GOSR1: variants seen among roughly 807,000 people sequenced by gnomAD.
GOSR1 encodes the protein golgi SNAP receptor complex member 1.
Under a neutral mutation model 35.5 loss-of-function variants are expected in GOSR1, and 21 were observed. The observed-to-expected ratio is 0.59, with a 90% CI of 0.42 to 0.85. The LOEUF (loss-of-function observed/expected upper bound fraction) is 0.85. Ranked by LOEUF, GOSR1 falls within the 40% of genes least tolerant of loss-of-function variation. The pLI, the probability that GOSR1 is intolerant of heterozygous loss-of-function variation, is 0.00. For synonymous variants in GOSR1, 94 were observed against 106.6 expected (o/e 0.88, Z 0.73); for missense variants, 285 against 309.6 (o/e 0.92, Z 0.60).
At chr17:30,499,632 T>C (rs376847898) in intron 6 of GOSR1, among the ~76,000 whole-genome samples, 14 of 152,322 alleles carry the variant, frequency 9.2e-5, no homozygotes, top group East Asian at 7.7e-4. Flanking sequence ...TGAGCCACTG[T>C]ACCCTGCCGT....
chr17:30,495,338 C>A, intron 6 of GOSR1: 1 of 433,884 alleles, frequency 2.3e-6, no homozygotes. Context: ...CTTGACCAGG[C>A]ATATGATGCT....
chr17:30,526,162 C>CAGTT lies in GOSR1; in HGVS notation c.*3790_*3793dup, dbSNP rs1009868453. On this transcript the variant is annotated 3_prime_UTR_variant, in exon 9 of 9. Coordinates refer to ENST00000451249, the MANE Select transcript of GOSR1 (RefSeq NM_001007025.2). ...ACCAGTTACCAGATTCAGAGGCTAA[C>CAGTT]AGTTAGTTACTTGTTAATGCTAGTC... is the stretch of plus-strand genomic sequence containing the variant. The CAGTT allele has an allele frequency of 2.6e-5, 4 of 152,214 alleles. No homozygotes were observed. The highest frequency in any genetic ancestry group is 9.7e-5 in the African/African-American group (4 of 41,446). 9.4% of individuals were successfully genotyped at this position (152,214 alleles called of 1,614,324 possible).
chr17:30,484,209 T>C lies in GOSR1; in HGVS notation c.147-5T>C. ...TGGATCCTCTTTAACTGAACTTCTT[T>C]TTAGTTCTGATACAACACCCCTTTT... On this transcript the variant is annotated splice_polypyrimidine_tract_variant and splice_region_variant and intron_variant, in intron 2 of 8. Transcript: ENST00000451249. 2 of 1,540,832 alleles carry C rather than the reference T, an allele frequency of 1.3e-6. No homozygotes were observed. Among genetic ancestry groups the C allele is most frequent in the Non-Finnish European group, 9.0e-7 (1 of 1,113,274 alleles).
chr17:30,481,026 TG>T (rs759511754), intron 1 of GOSR1, 116 bp from the exon 2 acceptor site: 9 of 687,680 alleles, frequency 1.3e-5, no homozygotes, highest in East Asian at 5.6e-5. Flanking sequence ...CTTTTCTTTA[TG>T]GGGGTAACAA....
intron 3 of GOSR1, 73 bp from the exon 4 acceptor site, chr17:30,484,590 C>T: frequency 3.9e-6 from 3 of 771,390 alleles, no homozygotes; most frequent in East Asian, 5.2e-5. Flanking sequence ...GGCATATAGG[C>T]AAATAATTTG....
Position 30,522,411 on chromosome 17 carries a change from G to T in GOSR1, c.*33G>T, listed in dbSNP as rs754846082. On this transcript the variant is annotated 3_prime_UTR_variant, in exon 9 of 9. Transcript: ENST00000451249. ...TCTTCAGGGACTCTTGACAGCCACC[G>T]CTTTCACACCCTGGTCTGGAATAAG... 1 of 1,518,752 alleles carries T rather than the reference G, an allele frequency of 6.6e-7. No homozygotes were observed. The highest frequency in any genetic ancestry group is 1.4e-5 in the African/African-American group (1 of 71,954). The allele number at this position is 1,518,752 out of a possible 1,614,324, so 94.1% of individuals were successfully genotyped here.
intron 8 of GOSR1, among the ~76,000 whole-genome samples, chr17:30,521,926 C>T (rs1163970912): frequency 2.0e-5 from 3 of 152,140 alleles, no homozygotes; most frequent in Non-Finnish European, 2.9e-5. Context: ...TTCCTGGCCA[C>T]GCTGGCTCCC....
At chr17:30,484,806 A>G in intron 4 of GOSR1, 36 bp downstream of exon 4, 1 of 1,113,898 alleles carries the variant, frequency 9.0e-7, no homozygotes, top group Non-Finnish European at 1.4e-6. Flanking sequence ...TCATTATCAC[A>G]GGAGTTTGGG....
chr17:30,485,993 C>G (rs1914656434), intron 4 of GOSR1, among the ~76,000 whole-genome samples: 1 of 144,800 alleles, frequency 6.9e-6, no homozygotes, highest in Admixed American at 7.0e-5. Context: ...GCACTCCAGC[C>G]TAGGCTACAA....
At position 30,527,230 on chromosome 17, in the gene GOSR1, C is replaced by CCT. The variant is rs1968197008; in HGVS notation, c.*4853_*4854dup. 6.6e-6 allele frequency: 1 copy of CCT among 152,076 alleles called. No homozygotes were observed. Among genetic ancestry groups the CCT allele is most frequent in the South Asian group, 2.1e-4 (1 of 4,828 alleles). The allele number at this position is 152,076 out of a possible 1,614,324, so 9.4% of individuals were successfully genotyped here. ...AATTAGCCATTCATGATGGTGTGCA[C>CCT]CTATAGTCCCAGCTACTCGGAAGGC... On this transcript the variant is annotated 3_prime_UTR_variant, in exon 9 of 9. Coordinates refer to ENST00000451249, the MANE Select transcript of GOSR1 (RefSeq NM_001007025.2).
At chr17:30,493,998 A>G (rs535887326) in intron 6 of GOSR1, among the ~76,000 whole-genome samples, 1 of 152,192 alleles carries the variant, frequency 6.6e-6, no homozygotes, top group Non-Finnish European at 1.5e-5. Flanking sequence ...AAGTTTTTCT[A>G]TAATATTGGC....
At chr17:30,485,167 T>G (rs940715818) in intron 4 of GOSR1, 37 of 258,514 alleles carry the variant, frequency 1.4e-4, no homozygotes, top group Admixed American at 1.9e-4. Context: ...TAGTATATTG[T>G]TTAAGAAAAC....
intron 6 of GOSR1, among the ~76,000 whole-genome samples, chr17:30,505,982 G>A (rs116798111): frequency 0.018 from 2,685 of 152,102 alleles, 81 homozygotes; most frequent in African/African-American, 0.062. Context: ...CTCCCACCTC[G>A]GCCTCCCAAA....
intron 6 of GOSR1, among the ~76,000 whole-genome samples, chr17:30,494,860 A>G (rs1283132094): frequency 6.6e-6 from 1 of 150,484 alleles, no homozygotes; most frequent in East Asian, 1.9e-4. Context: ...CACCCACCTC[A>G]GCCTCTGAAA....
intron 4 of GOSR1, among the ~76,000 whole-genome samples, chr17:30,487,758 GA>G (rs1291880023): frequency 6.6e-6 from 1 of 152,020 alleles, no homozygotes; most frequent in Non-Finnish European, 1.5e-5. Context: ...GAGATTCTTT[GA>G]TCCAGTTATT....
chr17:30,481,439 G>A (rs909402199), intron 2 of GOSR1, 182 bp downstream of exon 2: 2 of 417,936 alleles, frequency 4.8e-6, no homozygotes, highest in African/African-American at 2.0e-5. Context: ...CTCGAGACTA[G>A]CATTTATTTG....
chr17:30,504,162 G>A (rs1967317153), intron 6 of GOSR1, among the ~76,000 whole-genome samples: 2 of 151,988 alleles, frequency 1.3e-5, no homozygotes, highest in Non-Finnish European at 2.9e-5. Context: ...GAGTAGCTGG[G>A]ATTACAGGCG....
Position 30,526,470 on chromosome 17 carries a change from ACT to A in GOSR1, c.*4095_*4096del, listed in dbSNP as rs1418663163. ...AGACCAGCCTGGGCAATGTAGCAAG[ACT>A]CTGTCTCTGCAAAAAAAATTAAAAG... On this transcript the variant is annotated 3_prime_UTR_variant, in exon 9 of 9. Coordinates refer to ENST00000451249, the MANE Select transcript of GOSR1 (RefSeq NM_001007025.2). The A allele has an allele frequency of 6.6e-6, 1 of 152,124 alleles. No homozygotes were observed. The highest frequency in any genetic ancestry group is 1.5e-5 in the Non-Finnish European group (1 of 68,026). The allele number at this position is 152,124 out of a possible 1,614,324, so 9.4% of individuals were successfully genotyped here. A position where few individuals can be genotyped will look rare whatever the true frequency, so the allele number is the denominator to read the frequency against.
At chr17:30,484,925 T>C in intron 4 of GOSR1, 155 bp downstream of exon 4, 2 of 669,760 alleles carry the variant, frequency 3.0e-6, no homozygotes, top group Non-Finnish European at 5.4e-6. Flanking sequence ...TTTTACTTTT[T>C]TTTGGGGTCA....
Sources: allele counts gnomAD v4.1 joint callset (sites outside exome capture counted in the v4.1 genomes callset), GRCh38; gene constraint gnomAD v4.1.1; transcripts MANE v1.5; gene names NCBI Gene and HGNC (gene_info 2026-07-23, HGNC 2026-07-21).